SLC41A2: variants seen among roughly 807,000 people sequenced by gnomAD.
SLC41A2 encodes SLC41A1-like 1.
In SLC41A2, 32 loss-of-function variants were observed where a neutral mutation model predicts 58.3. That is an observed-to-expected ratio of 0.55 (90% CI 0.41 to 0.74). The LOEUF (loss-of-function observed/expected upper bound fraction) is 0.74. Ranked by LOEUF, SLC41A2 falls within the 30% of genes least tolerant of loss-of-function variation. The probability of loss-of-function intolerance (pLI) is 0.00; values close to 1 mark genes in which losing one functional copy is unlikely to be tolerated. For synonymous variants in SLC41A2, 190 were observed against 235.0 expected (o/e 0.81, Z 1.75); for missense variants, 514 against 680.6 (o/e 0.76, Z 2.72).
At chr12:104,930,235 T>G (rs922259025) in intron 1 of SLC41A2, among the ~76,000 whole-genome samples, 3 of 152,234 alleles carry the variant, frequency 2.0e-5, no homozygotes, top group Non-Finnish European at 4.4e-5. Context: ...AGTTCCCATT[T>G]TTGCCACTTA....
chr12:104,814,488 G>A (rs1179917478), intron 10 of SLC41A2, among the ~76,000 whole-genome samples: 1 of 152,088 alleles, frequency 6.6e-6, no homozygotes, highest in East Asian at 1.9e-4. Context: ...AGAAAACCAT[G>A]TCTTCTTTCT....
chr12:104,896,537 T>C (rs961752017), intron 3 of SLC41A2, among the ~76,000 whole-genome samples: 1 of 152,202 alleles, frequency 6.6e-6, no homozygotes, highest in Non-Finnish European at 1.5e-5. Flanking sequence ...GAAATAGGAA[T>C]GAGTGAAATT....
At chr12:104,823,130 A>G (rs1350600020) in intron 10 of SLC41A2, among the ~76,000 whole-genome samples, 3 of 152,236 alleles carry the variant, frequency 2.0e-5, no homozygotes, top group Non-Finnish European at 2.9e-5. Flanking sequence ...AAGGTTTGAG[A>G]TAGAGCATCA....
At chr12:104,840,551 GGTGGTAT>G (rs2042375065) in intron 10 of SLC41A2, among the ~76,000 whole-genome samples, 1 of 152,170 alleles carries the variant, frequency 6.6e-6, no homozygotes, top group African/African-American at 2.4e-5. Flanking sequence ...CAATGTGATT[GGTGGTAT>G]GTCAAATAGG....
chr12:104,893,998 G>A (rs1361373965), intron 4 of SLC41A2, among the ~76,000 whole-genome samples: 1 of 152,082 alleles, frequency 6.6e-6, no homozygotes, highest in African/African-American at 2.4e-5. Flanking sequence ...AACTACAAGA[G>A]TATAATTGGA....
At chr12:104,861,788 A>G (rs1402395428) in intron 7 of SLC41A2, among the ~76,000 whole-genome samples, 1 of 152,220 alleles carries the variant, frequency 6.6e-6, no homozygotes, top group East Asian at 1.9e-4. Flanking sequence ...TTTAAAAAAT[A>G]ATTTAAAAAA....
intron 1 of SLC41A2, among the ~76,000 whole-genome samples, chr12:104,940,328 T>C (rs1204729888): frequency 5.7e-5 from 4 of 69,810 alleles, no homozygotes; most frequent in African/African-American, 9.1e-5. Context: ...TTTTTATTTT[T>C]ATTTTTTTTA....
intron 10 of SLC41A2, among the ~76,000 whole-genome samples, chr12:104,826,251 C>T (rs976902476): frequency 1.3e-5 from 2 of 152,106 alleles, no homozygotes; most frequent in Admixed American, 6.5e-5. Flanking sequence ...AAAGGTTTGG[C>T]CAAATTATGA....
At chr12:104,911,281 A>G (rs1179559282) in intron 2 of SLC41A2, among the ~76,000 whole-genome samples, 1 of 152,160 alleles carries the variant, frequency 6.6e-6, no homozygotes, top group African/African-American at 2.4e-5. Context: ...TATTGGGCAC[A>G]TGTTCTCCAT....
At chr12:104,950,789 G>A (rs1034643390) in intron 1 of SLC41A2, among the ~76,000 whole-genome samples, 1 of 152,134 alleles carries the variant, frequency 6.6e-6, no homozygotes, top group African/African-American at 2.4e-5. Context: ...TCCACCCACT[G>A]GGTCCCCATA....
intron 8 of SLC41A2, among the ~76,000 whole-genome samples, chr12:104,848,017 T>C (rs1359331104): frequency 6.6e-6 from 1 of 152,188 alleles, no homozygotes; most frequent in Non-Finnish European, 1.5e-5. Flanking sequence ...TTTTAGAACA[T>C]ACTAGCCAAC....
chr12:104,895,514 C>T (rs986476926), intron 3 of SLC41A2, among the ~76,000 whole-genome samples, 169 bp from the exon 4 acceptor site: 6 of 152,158 alleles, frequency 3.9e-5, no homozygotes, highest in Non-Finnish European at 8.8e-5. Context: ...TTTCAGCTAA[C>T]GCTAGGCTTG....
At chr12:104,852,995 T>A (rs2042858597) in intron 8 of SLC41A2, among the ~76,000 whole-genome samples, 1 of 152,088 alleles carries the variant, frequency 6.6e-6, no homozygotes, top group Non-Finnish European at 1.5e-5. Flanking sequence ...TCACACAAAT[T>A]AAAAACATTA....
intron 1 of SLC41A2, among the ~76,000 whole-genome samples, chr12:104,931,109 C>T (rs970156038): frequency 1.3e-5 from 2 of 152,250 alleles, no homozygotes; most frequent in African/African-American, 4.8e-5. Flanking sequence ...TTTTAGCCCA[C>T]GCTCTGTCCC....
chr12:104,836,342 T>C (rs1460879897), intron 10 of SLC41A2, among the ~76,000 whole-genome samples: 2 of 152,244 alleles, frequency 1.3e-5, no homozygotes, highest in African/African-American at 2.4e-5. Flanking sequence ...TAGAACATTG[T>C]ATGGCTCATG....
intron 1 of SLC41A2, among the ~76,000 whole-genome samples, chr12:104,945,516 A>C (rs2047684408): frequency 6.6e-6 from 1 of 152,188 alleles, no homozygotes. Context: ...AAAGAAAAAA[A>C]GAAAAGAAAA....
At chr12:104,870,534 T>A (rs2043717233) in intron 6 of SLC41A2, among the ~76,000 whole-genome samples, 1 of 152,250 alleles carries the variant, frequency 6.6e-6, no homozygotes. Context: ...CTTCTTGGAA[T>A]TTTAAGCCTA....
chr12:104,853,910 G>GATTATTATTATTATT (rs1415342230), intron 8 of SLC41A2, among the ~76,000 whole-genome samples: 7,531 of 50,172 alleles, frequency 0.15, 897 homozygotes, highest in Non-Finnish European at 0.22. Flanking sequence ...ATGCCTGGCT[G>GATTATTATTATTATT]ATTTTTTTTT....
intron 4 of SLC41A2, 52 bp from the exon 5 acceptor site, chr12:104,889,229 T>A: frequency 6.5e-7 from 1 of 1,530,380 alleles, no homozygotes; most frequent in East Asian, 2.3e-5. Context: ...AAAACACATT[T>A]AAACATTTTG....
Sources: allele counts gnomAD v4.1 joint callset (sites outside exome capture counted in the v4.1 genomes callset), GRCh38; gene constraint gnomAD v4.1.1; transcripts MANE v1.5; gene names NCBI Gene and HGNC (gene_info 2026-07-23, HGNC 2026-07-21).